Variants in PLPP4 observed in about 807,000 individuals in gnomAD.
PLPP4 encodes phospholipid phosphatase 4.
In PLPP4, 20 loss-of-function variants were observed where a neutral mutation model predicts 32.2. The observed-to-expected ratio is 0.62, with a 90% CI of 0.44 to 0.90. The LOEUF is 0.90. Ranked by LOEUF, PLPP4 falls within the 40% of genes least tolerant of loss-of-function variation. The pLI, the probability that PLPP4 is intolerant of heterozygous loss-of-function variation, is 0.00. For missense variants in PLPP4, 257 were observed against 353.1 expected (o/e 0.73, Z 2.18); for synonymous variants, 127 against 133.0 (o/e 0.95, Z 0.31).
chr10:120,462,108 G>A (rs531866494), intron 1 of PLPP4, among the ~76,000 whole-genome samples: 124 of 152,148 alleles, frequency 8.1e-4, no homozygotes, highest in Non-Finnish European at 1.4e-3. Flanking sequence ...GCTGAGCACC[G>A]AATGCCAGGT....
At chr10:120,457,068 C>A (rs941429333), upstream of PLPP4, 10 of 198,530 alleles carry the variant, frequency 5.0e-5, no homozygotes, top group Admixed American at 3.6e-4. Flanking sequence ...CACTAGGAGG[C>A]GGGGTCCGCA....
At chr10:120,498,802 A>T (rs1324648496) in intron 1 of PLPP4, among the ~76,000 whole-genome samples, 1 of 152,074 alleles carries the variant, frequency 6.6e-6, no homozygotes, top group African/African-American at 2.4e-5. Flanking sequence ...CTGGGATTGC[A>T]GGCACGCACC....
At chr10:120,554,812 A>T (rs2133995311) in intron 5 of PLPP4, among the ~76,000 whole-genome samples, 1 of 152,248 alleles carries the variant, frequency 6.6e-6, no homozygotes, top group African/African-American at 2.4e-5. Context: ...ACTCACTATC[A>T]TGAGAACAGC....
chr10:120,549,227 T>C (rs946407500), intron 5 of PLPP4, among the ~76,000 whole-genome samples: 3 of 151,480 alleles, frequency 2.0e-5, no homozygotes, highest in Non-Finnish European at 2.9e-5. Context: ...CCAAAAATCC[T>C]AAATACTTAA....
At chr10:120,466,353 C>G (rs959825265) in intron 1 of PLPP4, among the ~76,000 whole-genome samples, 3 of 151,888 alleles carry the variant, frequency 2.0e-5, no homozygotes, top group African/African-American at 7.3e-5. Flanking sequence ...CACTTAATAG[C>G]CAAAAGTGAT....
chr10:120,568,469 A>G (rs1009758682), intron 5 of PLPP4, among the ~76,000 whole-genome samples: 2 of 152,212 alleles, frequency 1.3e-5, no homozygotes, highest in African/African-American at 4.8e-5. Context: ...ATGCACCCCA[A>G]TTAGAGGATG....
chr10:120,463,274 C>G (rs534862485), intron 1 of PLPP4, among the ~76,000 whole-genome samples: 4 of 152,270 alleles, frequency 2.6e-5, no homozygotes, highest in African/African-American at 9.6e-5. Context: ...GATCTGCCCA[C>G]CTTGGCCTCC....
intron 5 of PLPP4, among the ~76,000 whole-genome samples, chr10:120,530,634 G>T (rs1846660734): frequency 6.6e-6 from 1 of 152,094 alleles, no homozygotes; most frequent in African/African-American, 2.4e-5. Flanking sequence ...CAATTGTTTA[G>T]TGGACATATG....
chr10:120,474,273 A>T (rs910575035), intron 1 of PLPP4, among the ~76,000 whole-genome samples: 14 of 152,228 alleles, frequency 9.2e-5, no homozygotes, highest in South Asian at 2.1e-4. Context: ...TTTATATTTT[A>T]AAAAAATTTA....
chr10:120,462,584 G>A lies in PLPP4; in HGVS notation c.56+5223G>A, dbSNP rs549212448. On this transcript the variant is annotated intron_variant, in intron 1 of 6. Coordinates refer to ENST00000398250, the MANE Select transcript of PLPP4 (RefSeq NM_001030059.3). ...TAGCCTTGGCACAAGCATGGTCGGT[G>A]CCTCCTGACTCAGTTTCCCAGGATC... 3.2e-4 allele frequency among the ~76,000 whole-genome samples: 48 copies of A among 152,320 alleles called. 2 individuals carry two copies. The South Asian group carries it at 4.6e-3, about 14-fold the overall frequency.
At chr10:120,520,740 T>A (rs987228894) in intron 4 of PLPP4, among the ~76,000 whole-genome samples, 1 of 152,038 alleles carries the variant, frequency 6.6e-6, no homozygotes, top group African/African-American at 2.4e-5. Context: ...CTTCCCAAGG[T>A]CATAAAGTGA....
At chr10:120,471,773 C>G (rs1016613485) in intron 1 of PLPP4, among the ~76,000 whole-genome samples, 1 of 151,966 alleles carries the variant, frequency 6.6e-6, no homozygotes, top group Non-Finnish European at 1.5e-5. Flanking sequence ...TTAAATCTAT[C>G]ACCTTTTACT....
At chr10:120,580,064 G>T (rs372422289) in intron 6 of PLPP4, among the ~76,000 whole-genome samples, 1 of 145,564 alleles carries the variant, frequency 6.9e-6, no homozygotes, top group African/African-American at 2.6e-5. Flanking sequence ...AGCTTGCAGC[G>T]AGCCGAGATC....
chr10:120,470,874 T>C (rs1264202768), intron 1 of PLPP4, among the ~76,000 whole-genome samples: 1 of 152,208 alleles, frequency 6.6e-6, no homozygotes, highest in East Asian at 1.9e-4. Flanking sequence ...TGCTACTTAC[T>C]GGTTATAATT....
At chr10:120,565,897 A>C (rs1484162633) in intron 5 of PLPP4, among the ~76,000 whole-genome samples, 1 of 151,996 alleles carries the variant, frequency 6.6e-6, no homozygotes, top group African/African-American at 2.4e-5. Flanking sequence ...TTTTAACTAC[A>C]TTCTGGATAA....
At chr10:120,549,540 C>A (rs557463935) in intron 5 of PLPP4, among the ~76,000 whole-genome samples, 1 of 151,820 alleles carries the variant, frequency 6.6e-6, no homozygotes, top group African/African-American at 2.4e-5. Context: ...ATAGGATAAT[C>A]CTGATAACAA....
At position 120,579,912 on chromosome 10, in the gene PLPP4, C is replaced by T. The variant is rs375108300; in HGVS notation, c.616+4611C>T. Among the ~76,000 whole-genome samples the T allele has an allele frequency of 1.2e-4, 18 of 150,318 alleles. No homozygotes were observed. The South Asian group carries it at 3.2e-3, about 26-fold the overall frequency. Reference sequence around the variant, plus strand: ...CACGAGGTCAGGAGATAGAGACCATCCTGGCTAACATGGTGAAACCCCGTC... The same window carrying T: ...CACGAGGTCAGGAGATAGAGACCATTCTGGCTAACATGGTGAAACCCCGTC... On this transcript the variant is annotated intron_variant, in intron 6 of 6. Coordinates refer to ENST00000398250, the MANE Select transcript of PLPP4 (RefSeq NM_001030059.3).
At chr10:120,561,440 T>C (rs1409558) in intron 5 of PLPP4, among the ~76,000 whole-genome samples, 35,493 of 152,092 alleles carry the variant, frequency 0.23, 4,175 homozygotes, top group Admixed American at 0.25. Context: ...TAAGGATGGG[T>C]CTTTTTCTTG....
intron 6 of PLPP4, among the ~76,000 whole-genome samples, chr10:120,577,261 G>A (rs1175128740): frequency 6.6e-6 from 1 of 152,086 alleles, no homozygotes; most frequent in Non-Finnish European, 1.5e-5. Flanking sequence ...TTGGATTCGG[G>A]GAATGATTGG....
Sources: allele counts gnomAD v4.1 joint callset (sites outside exome capture counted in the v4.1 genomes callset), GRCh38; gene constraint gnomAD v4.1.1; transcripts MANE v1.5; gene names NCBI Gene and HGNC (gene_info 2026-07-23, HGNC 2026-07-21).